The following ANKRD30BL variants were observed in gnomAD, a reference collection of about 807,000 sequenced individuals.
The protein encoded by ANKRD30BL is putative ankyrin repeat domain-containing protein 30B-like.
ANKRD30BL carries 20 observed loss-of-function variants against 18.4 expected under a neutral mutation model. The ratio of observed to expected loss-of-function variants is 1.09; its 90% CI spans 0.77 to 1.58. The LOEUF is 1.58. Among genes scored for constraint, ANKRD30BL ranks in the 40% most tolerant of loss-of-function variants. The probability of loss-of-function intolerance (pLI) is 0.00; values close to 1 mark genes in which losing one functional copy is unlikely to be tolerated. For synonymous variants in ANKRD30BL, 72 were observed against 100.9 expected (o/e 0.71, Z 1.72); for missense variants, 224 against 268.6 (o/e 0.83, Z 1.16).
chr2:132,198,125 CTT>C (rs1284864040), intron 1 of ANKRD30BL, among the ~76,000 whole-genome samples: 1 of 151,816 alleles, frequency 6.6e-6, no homozygotes, highest in Non-Finnish European at 1.5e-5. Flanking sequence ...CTGAGGGTGT[CTT>C]ATTTACAATA....
chr2:132,231,472 G>A (rs1288911424), intron 1 of ANKRD30BL, among the ~76,000 whole-genome samples: 2 of 152,234 alleles, frequency 1.3e-5, no homozygotes, highest in Admixed American at 6.5e-5. Flanking sequence ...GCGCAGGTCA[G>A]TGGGTGCACG....
intron 1 of ANKRD30BL, 47 bp from the exon 2 acceptor site, chr2:132,157,470 A>G: frequency 1.8e-6 from 1 of 543,960 alleles, no homozygotes; most frequent in South Asian, 3.0e-5. Flanking sequence ...CCACTGTCTC[A>G]AAACATAGAA....
chr2:132,157,464 T>C lies in ANKRD30BL; in HGVS notation c.219-41A>G, dbSNP rs534878548. ...GCCTTTTAAGGAAAGTTTAGTCCAC[T>C]GTCTCAAAACATAGAATGATTTATG... is the stretch of plus-strand genomic sequence containing the variant. On this transcript the variant is annotated intron_variant, in intron 1 of 5. Transcript: ENST00000409867. 548 of 572,064 alleles carry C rather than the reference T, an allele frequency of 9.6e-4. 1 individual carries two copies. The highest frequency in any genetic ancestry group is 5.2e-3 in the Admixed American group (176 of 34,054). The allele number at this position is 572,064 out of a possible 1,614,324, so 35.4% of individuals were successfully genotyped here.
intron 1 of ANKRD30BL, among the ~76,000 whole-genome samples, chr2:132,215,870 C>T (rs138546910): frequency 6.6e-6 from 1 of 151,914 alleles, no homozygotes; most frequent in Non-Finnish European, 1.5e-5. Flanking sequence ...AATATCTTCA[C>T]ATAATAACTA....
intron 1 of ANKRD30BL, among the ~76,000 whole-genome samples, chr2:132,252,842 G>A (rs962386868): frequency 6.6e-6 from 1 of 152,172 alleles, no homozygotes; most frequent in Non-Finnish European, 1.5e-5. Context: ...GAGCCCCCAA[G>A]GGAGGAACCC....
chr2:132,155,055 T>C (rs1266090667), intron 3 of ANKRD30BL: 1 of 246,826 alleles, frequency 4.1e-6, no homozygotes, highest in Non-Finnish European at 7.8e-6. Context: ...GCTGTATCTT[T>C]TACCTCTATG....
intron 1 of ANKRD30BL, among the ~76,000 whole-genome samples, chr2:132,233,281 TGA>T (rs1212873033): frequency 6.7e-6 from 1 of 149,316 alleles, no homozygotes; most frequent in African/African-American, 2.5e-5. Flanking sequence ...CATCAACTAA[TGA>T]GCAAAATAAC....
intron 1 of ANKRD30BL, among the ~76,000 whole-genome samples, chr2:132,202,849 A>C (rs1679135638): frequency 6.6e-6 from 1 of 152,206 alleles, no homozygotes; most frequent in Non-Finnish European, 1.5e-5. Flanking sequence ...ATCGGAATGC[A>C]ACTTAAAATT....
intron 1 of ANKRD30BL, among the ~76,000 whole-genome samples, chr2:132,207,729 C>T (rs1679237117): frequency 6.6e-6 from 1 of 152,078 alleles, no homozygotes; most frequent in Non-Finnish European, 1.5e-5. Context: ...AGGCAAATCT[C>T]TATGAATCAC....
At chr2:132,167,669 G>T (rs1396770667) in intron 1 of ANKRD30BL, among the ~76,000 whole-genome samples, 1 of 152,148 alleles carries the variant, frequency 6.6e-6, no homozygotes, top group Non-Finnish European at 1.5e-5. Flanking sequence ...AGCTCTTGGT[G>T]TATCTCATCA....
In ANKRD30BL at chr2:132,208,567, C is replaced by T. The variant is rs529667156; in HGVS notation, n.441+48962G>A. On this transcript the variant is annotated intron_variant and non_coding_transcript_variant, in intron 1 of 4. Transcript: ENST00000470729. Reference sequence around the variant, plus strand: ...GACACAGACAAAAATAGTTATACTTCTACAGCTAAATAGTGAAGACACTCT... The same window carrying T: ...GACACAGACAAAAATAGTTATACTTTTACAGCTAAATAGTGAAGACACTCT... 5.9e-5 allele frequency among the ~76,000 whole-genome samples: 9 copies of T among 152,124 alleles called. No homozygotes were observed. In the South Asian group the frequency reaches 1.9e-3, roughly 32 times the overall value.
chr2:132,237,549 C>T lies in ANKRD30BL; in HGVS notation n.441+19980G>A, dbSNP rs563136955. ...CTTTTGATAGAGCAGATTGGAAACA[C>T]TCTTTTTGTAGAATTTGCAAGTGGA... On this transcript the variant is annotated intron_variant and non_coding_transcript_variant, in intron 1 of 4. Transcript: ENST00000470729. Among the ~76,000 whole-genome samples, 54 of 152,188 alleles carry T rather than the reference C, an allele frequency of 3.5e-4. No individual in the cohort carries two copies. In the East Asian group the frequency reaches 7.5e-3, roughly 21 times the overall value.
rs570775298 is a variant in ANKRD30BL at position 132,254,530 on chromosome 2, G to C, written n.441+2999C>G. On this transcript the variant is annotated intron_variant and non_coding_transcript_variant, in intron 1 of 4. Coordinates refer to the ANKRD30BL transcript ENST00000470729. ...CGACTGCAGTGTGTACAAAGGGCAG[G>C]GACTTCATGCAAGCTTATGACCAGC... Among the ~76,000 whole-genome samples, 6 of 152,314 alleles carry C rather than the reference G, an allele frequency of 3.9e-5. No homozygotes were observed. The East Asian group carries it at 1.2e-3, about 30-fold the overall frequency.
intron 1 of ANKRD30BL, among the ~76,000 whole-genome samples, chr2:132,195,966 CCT>C (rs1193051703): frequency 2.0e-5 from 3 of 150,394 alleles, no homozygotes; most frequent in Admixed American, 1.3e-4. Context: ...ACAGTGAAAC[CCT>C]CTCTCTACTA....
At chr2:132,228,018 A>G (rs561970505) in intron 1 of ANKRD30BL, among the ~76,000 whole-genome samples, 18 of 152,264 alleles carry the variant, frequency 1.2e-4, no homozygotes, top group African/African-American at 4.3e-4. Flanking sequence ...AGCAGTTTTG[A>G]AACTGTCTTT....
intron 1 of ANKRD30BL, among the ~76,000 whole-genome samples, chr2:132,183,761 G>A (rs1269290255): frequency 4.6e-5 from 7 of 152,086 alleles, no homozygotes; most frequent in Non-Finnish European, 7.3e-5. Context: ...GTGTGTATAT[G>A]TGCATATACA....
chr2:132,207,718 T>C (rs1475002810), intron 1 of ANKRD30BL, among the ~76,000 whole-genome samples: 1 of 152,098 alleles, frequency 6.6e-6, no homozygotes, highest in African/African-American at 2.4e-5. Flanking sequence ...AATCCAGTCA[T>C]AGGCAAATCT....
intron 1 of ANKRD30BL, among the ~76,000 whole-genome samples, chr2:132,221,431 C>A (rs1224233227): frequency 7.4e-6 from 1 of 134,460 alleles, no homozygotes; most frequent in Non-Finnish European, 1.6e-5. Flanking sequence ...GGGATCAGCC[C>A]CCCGCCTGGC....
At chr2:132,161,032 A>G (rs1688042981) in intron 1 of ANKRD30BL, among the ~76,000 whole-genome samples, 1 of 145,152 alleles carries the variant, frequency 6.9e-6, no homozygotes, top group African/African-American at 2.6e-5. Context: ...TGAAATGGAT[A>G]CTGGACTTTA....
Sources: allele counts gnomAD v4.1 joint callset (sites outside exome capture counted in the v4.1 genomes callset), GRCh38; gene constraint gnomAD v4.1.1; transcripts MANE v1.5; gene names NCBI Gene and HGNC (gene_info 2026-07-23, HGNC 2026-07-21).